UBXN4: variants seen among roughly 807,000 people sequenced by gnomAD.
UBXN4 encodes the protein UBX domain protein 4.
In UBXN4, 35 loss-of-function variants were observed where a neutral mutation model predicts 66.2. That is an observed-to-expected ratio of 0.53 (90% confidence interval 0.40 to 0.70). The LOEUF (loss-of-function observed/expected upper bound fraction) is 0.70, where lower values mean the gene tolerates loss of function less well. UBXN4 is among the 30% of genes least tolerant of loss of function. The probability of loss-of-function intolerance (pLI) is 0.00; values close to 1 mark genes in which losing one functional copy is unlikely to be tolerated. For missense variants in UBXN4, 533 were observed against 599.8 expected, an observed-to-expected ratio of 0.89 and a Z score of 1.16; for synonymous variants, 203 against 204.5, an observed-to-expected ratio of 0.99 and a Z score of 0.06.
intron 10 of UBXN4, among the ~76,000 whole-genome samples, chr2:135,777,565 A>G (rs764549870): frequency 6.6e-6 from 1 of 152,196 alleles, no homozygotes; most frequent in East Asian, 1.9e-4. Flanking sequence ...AGAAGGGACT[A>G]CATCTTTGAT....
intron 2 of UBXN4, among the ~76,000 whole-genome samples, chr2:135,750,607 G>A (rs1384125508): frequency 3.9e-5 from 6 of 151,974 alleles, no homozygotes; most frequent in Admixed American, 3.3e-4. Context: ...ACATCAAGTC[G>A]TAGTATAGCC....
intron 9 of UBXN4, among the ~76,000 whole-genome samples, 155 bp downstream of exon 9, chr2:135,772,702 G>A (rs144519804): frequency 1.3e-4 from 20 of 152,256 alleles, no homozygotes; most frequent in East Asian, 1.2e-3. Context: ...CTCTCATTTC[G>A]TGTGAGTGTA....
At chr2:135,778,707 G>A (rs1052521315) in intron 10 of UBXN4, among the ~76,000 whole-genome samples, 1 of 152,112 alleles carries the variant, frequency 6.6e-6, no homozygotes, top group African/African-American at 2.4e-5. Context: ...TGTGTTTTTA[G>A]GAACTATATT....
intron 6 of UBXN4, among the ~76,000 whole-genome samples, chr2:135,768,487 G>A (rs1451074118): frequency 2.0e-5 from 3 of 151,914 alleles, no homozygotes; most frequent in Non-Finnish European, 4.4e-5. Flanking sequence ...ATGAGCCACC[G>A]TGCCTGGCCG....
intron 1 of UBXN4, among the ~76,000 whole-genome samples, chr2:135,743,907 T>C (rs1399887095): frequency 6.6e-6 from 1 of 152,204 alleles, no homozygotes; most frequent in African/African-American, 2.4e-5. Flanking sequence ...CTGATGAGCA[T>C]GTATTACATG....
In UBXN4 at chr2:135,741,935, G is replaced by C. The variant is rs751280859; in HGVS notation, c.6G>C (p.Leu2=). The change falls in exon 1 of 13, where the codon CTG becomes CTC. Residue 2 remains leucine (L), a synonymous_variant. Transcript: ENST00000272638. M[L]WFQGAIPAAI... ...GCCTGGGCCCGAAGGGAGCGATGCT[G>C]TGGTTCCAGGGCGCCATTCCGGCCG... The C allele has an allele frequency of 1.9e-6, 3 of 1,612,702 alleles. No homozygotes were observed. The East Asian group carries it at 6.7e-5, about 36-fold the overall frequency.
In UBXN4 at chr2:135,783,920, T is replaced by A. The variant is rs1441399892; in HGVS notation, c.*1033T>A. ...ACTAATGATGTTTGAAAACAGTTCC[T>A]CTGTTTTAGATTGGAAGATAGCACT... On this transcript the variant is annotated 3_prime_UTR_variant, in exon 13 of 13. Coordinates refer to ENST00000272638, the MANE Select transcript of UBXN4 (RefSeq NM_014607.4). 1 of 152,230 alleles carries A rather than the reference T, an allele frequency of 6.6e-6. No individual in the cohort carries two copies. The highest frequency in any genetic ancestry group is 1.5e-5 in the Non-Finnish European group (1 of 68,042). The allele number at this position is 152,230 out of a possible 1,614,324, so 9.4% of individuals were successfully genotyped here. A position where few individuals can be genotyped will look rare whatever the true frequency, so the allele number is the denominator to read the frequency against.
intron 6 of UBXN4, among the ~76,000 whole-genome samples, chr2:135,767,957 A>C (rs2077357914): frequency 6.6e-6 from 1 of 151,958 alleles, no homozygotes; most frequent in Non-Finnish European, 1.5e-5. Context: ...GACTTGTTGG[A>C]ATCCCCTTCA....
In UBXN4 at chr2:135,782,983, A is replaced by T. The variant is rs1383828802; in HGVS notation, c.*96A>T. 2.0e-5 allele frequency: 27 copies of T among 1,345,068 alleles called. No homozygotes were observed. The highest frequency in any genetic ancestry group is 2.6e-5 in the Non-Finnish European group (26 of 981,290). The allele number at this position is 1,345,068 out of a possible 1,614,324, so 83.3% of individuals were successfully genotyped here. Reference sequence around the variant, plus strand: ...GAAGTGGGACTGCTTTATATTTTCCAACTGGTCTATAAAATGTCTCTTTAT... The same window carrying T: ...GAAGTGGGACTGCTTTATATTTTCCTACTGGTCTATAAAATGTCTCTTTAT... On this transcript the variant is annotated 3_prime_UTR_variant, in exon 13 of 13. Coordinates refer to ENST00000272638, the MANE Select transcript of UBXN4 (RefSeq NM_014607.4).
intron 6 of UBXN4, among the ~76,000 whole-genome samples, chr2:135,764,442 G>T (rs773226926): frequency 6.6e-6 from 1 of 152,054 alleles, no homozygotes; most frequent in Non-Finnish European, 1.5e-5. Flanking sequence ...AAAAAAAACG[G>T]ATTGGTGATT....
At position 135,784,048 on chromosome 2, in the gene UBXN4, T is replaced by C. The variant is rs1049079409; in HGVS notation, c.*1161T>C. 6.6e-6 allele frequency: 1 copy of C among 152,228 alleles called. No homozygotes were observed. The highest frequency in any genetic ancestry group is 2.4e-5 in the African/African-American group (1 of 41,454). The allele number at this position is 152,228 out of a possible 1,614,324, so 9.4% of individuals were successfully genotyped here. On this transcript the variant is annotated 3_prime_UTR_variant, in exon 13 of 13. Transcript: ENST00000272638. Reference sequence around the variant, plus strand: ...TTTTTACCTGTGAAATAACAGTGACTTTTTAAAATGGTGACAGTGTTGGCA... The same window carrying C: ...TTTTTACCTGTGAAATAACAGTGACCTTTTAAAATGGTGACAGTGTTGGCA...
Position 135,748,403 on chromosome 2 carries a change from A to T in UBXN4, c.185+34A>T, listed in dbSNP as rs565600534. The T allele has an allele frequency of 2.1e-6, 3 of 1,442,268 alleles. No homozygotes were observed. In the South Asian group the frequency reaches 4.2e-5, roughly 20 times the overall value. 89.3% of individuals were successfully genotyped at this position (1,442,268 alleles called of 1,614,324 possible). A position where few individuals can be genotyped will look rare whatever the true frequency, so the allele number is the denominator to read the frequency against. On this transcript the variant is annotated intron_variant, in intron 2 of 12. Coordinates refer to ENST00000272638, the MANE Select transcript of UBXN4 (RefSeq NM_014607.4). The stretch of plus-strand genomic sequence containing the variant: ...ATGTTTTAATATTTTATTAATTTTA[A>T]AATTTATAAGTATTGTCTTTGATTT...
In UBXN4 at chr2:135,772,455, A is replaced by C. The variant is rs909938599; in HGVS notation, c.858A>C (p.Thr286=). ...AGAGAGCTGCTCGTTTTGCAAAGAC[A>C]AAGGAAGAAGTAGAGGCTGCCAAAG... is the stretch of plus-strand genomic sequence containing the variant. ...RAERAARFAK[T]KEEVEAAKAA... The change falls in exon 9 of 13, where the codon ACA becomes ACC. Residue 286 remains threonine, a synonymous_variant. Transcript: ENST00000272638. The C allele has an allele frequency of 6.2e-7, 1 of 1,614,182 alleles. No homozygotes were observed. The highest frequency in any genetic ancestry group is 8.5e-7 in the Non-Finnish European group (1 of 1,179,974).
chr2:135,753,709 C>A, intron 3 of UBXN4, 142 bp downstream of exon 3: 1 of 713,692 alleles, frequency 1.4e-6, no homozygotes, highest in Non-Finnish European at 2.1e-6. Context: ...TAAGTGTCCT[C>A]ATTTAAAAAA....
chr2:135,781,285 A>G (rs898896290), intron 12 of UBXN4, among the ~76,000 whole-genome samples: 1 of 152,226 alleles, frequency 6.6e-6, no homozygotes, highest in Non-Finnish European at 1.5e-5. Flanking sequence ...TAGTAATACA[A>G]CACTGACAAT....
chr2:135,771,203 G>A (rs2077381032), intron 8 of UBXN4, among the ~76,000 whole-genome samples: 1 of 152,188 alleles, frequency 6.6e-6, no homozygotes, highest in Admixed American at 6.5e-5. Context: ...CATCCCGCCA[G>A]GTGTGGCTCA....
At chr2:135,779,590 T>C (rs879440442) in intron 11 of UBXN4, among the ~76,000 whole-genome samples, 1 of 152,084 alleles carries the variant, frequency 6.6e-6, no homozygotes, top group African/African-American at 2.4e-5. Context: ...TGCTCTATAC[T>C]AGACGTGCCC....
chr2:135,779,865 A>C (rs1017029407), intron 11 of UBXN4, among the ~76,000 whole-genome samples: 1 of 99,328 alleles, frequency 1.0e-5, no homozygotes, highest in African/African-American at 2.9e-5. Flanking sequence ...TAATTATATA[A>C]AATAATTTTA....
intron 11 of UBXN4, 117 bp downstream of exon 11, chr2:135,779,196 C>G: frequency 9.4e-7 from 1 of 1,066,952 alleles, no homozygotes; most frequent in Middle Eastern, 2.8e-4. Flanking sequence ...AATTAAAATT[C>G]AAGTGATCCA....
Sources: allele counts gnomAD v4.1 joint callset (sites outside exome capture counted in the v4.1 genomes callset), GRCh38; gene constraint gnomAD v4.1.1; transcripts MANE v1.5; gene names NCBI Gene and HGNC (gene_info 2026-07-23, HGNC 2026-07-21).